The following MAGI2 variants were observed in gnomAD, a reference collection of about 807,000 sequenced individuals.
The protein encoded by MAGI2 is membrane associated guanylate kinase, WW and PDZ domain containing 2.
In MAGI2, 35 loss-of-function variants were observed where a neutral mutation model predicts 133.3. The ratio of observed to expected loss-of-function variants is 0.26; its 90% CI spans 0.20 to 0.35. The LOEUF is 0.35. Ranked by LOEUF, MAGI2 falls within the 10% of genes least tolerant of loss-of-function variation. The pLI, the probability that MAGI2 is intolerant of heterozygous loss-of-function variation, is 1.00. For synonymous variants in MAGI2, 729 were observed against 710.6 expected, an observed-to-expected ratio of 1.03 and a Z score of -0.41; for missense variants, 1,636 against 1,863.4, an observed-to-expected ratio of 0.88 and a Z score of 2.25.
intron 13 of MAGI2, among the ~76,000 whole-genome samples, chr7:78,181,294 G>A (rs1827166220): frequency 6.6e-6 from 1 of 152,176 alleles, no homozygotes; most frequent in African/African-American, 2.4e-5. Flanking sequence ...CTATGCACCA[G>A]GGAGGTTGTT....
intron 9 of MAGI2, among the ~76,000 whole-genome samples, chr7:78,329,584 T>C (rs2151145927): frequency 6.6e-6 from 1 of 152,336 alleles, no homozygotes; most frequent in African/African-American, 2.4e-5. Context: ...GAGTGTTATT[T>C]CTCTTAGCAG....
intron 1 of MAGI2, among the ~76,000 whole-genome samples, chr7:79,019,468 T>G (rs1255183330): frequency 6.6e-5 from 10 of 152,164 alleles, no homozygotes; most frequent in Non-Finnish European, 1.3e-4. Context: ...TCCCCAGCCA[T>G]GTGGAACTGT....
chr7:79,074,830 T>A (rs1815322562), intron 1 of MAGI2, among the ~76,000 whole-genome samples: 1 of 152,188 alleles, frequency 6.6e-6, no homozygotes, highest in Admixed American at 6.5e-5. Flanking sequence ...TCTATCTCTG[T>A]TAGGGTGAAT....
chr7:79,141,293 C>G (rs1822105090), intron 1 of MAGI2, among the ~76,000 whole-genome samples: 1 of 152,118 alleles, frequency 6.6e-6, no homozygotes, highest in South Asian at 2.1e-4. Flanking sequence ...ACTAAAAATA[C>G]AGAGAAAGGA....
At chr7:78,767,232 G>A (rs723294) in intron 2 of MAGI2, among the ~76,000 whole-genome samples, 133,990 of 152,158 alleles carry the variant, frequency 0.88, 59,079 homozygotes, top group East Asian at 1. Flanking sequence ...CTTGTGATCC[G>A]CCTGCCTCGG....
intron 9 of MAGI2, 149 bp downstream of exon 9, chr7:78,343,629 A>G (rs1037455547): frequency 3.9e-5 from 20 of 513,442 alleles, no homozygotes; most frequent in Non-Finnish European, 1.6e-5. Flanking sequence ...ATATTTTTAA[A>G]CTTAGGGGAA....
At chr7:79,005,550 T>C (rs901166748) in intron 2 of MAGI2, among the ~76,000 whole-genome samples, 1 of 152,234 alleles carries the variant, frequency 6.6e-6, no homozygotes, top group Admixed American at 6.5e-5. Flanking sequence ...AAGACTTTCT[T>C]ATTTATGTCA....
intron 1 of MAGI2, among the ~76,000 whole-genome samples, chr7:79,118,960 T>C (rs1021603420): frequency 1.1e-4 from 17 of 152,294 alleles, no homozygotes; most frequent in African/African-American, 3.6e-4. Flanking sequence ...GTAGATTCAA[T>C]TAAGTAGAAG....
At chr7:78,772,147 G>A (rs1451998857) in intron 2 of MAGI2, among the ~76,000 whole-genome samples, 1 of 152,124 alleles carries the variant, frequency 6.6e-6, no homozygotes, top group African/African-American at 2.4e-5. Flanking sequence ...CTTCTCCTCT[G>A]CTGCAAAGTT....
At chr7:78,290,743 A>ACTAT (rs1796619575) in intron 9 of MAGI2, among the ~76,000 whole-genome samples, 1 of 151,944 alleles carries the variant, frequency 6.6e-6, no homozygotes, top group Non-Finnish European at 1.5e-5. Context: ...ATTATAACAG[A>ACTAT]CTCTCAGACC....
chr7:78,169,962 A>G (rs780182029), intron 14 of MAGI2, among the ~76,000 whole-genome samples: 6 of 152,244 alleles, frequency 3.9e-5, no homozygotes, highest in African/African-American at 1.4e-4. Flanking sequence ...GAGCACTTCA[A>G]AGATTTGGTA....
chr7:78,050,089 C>T (rs1811858787), intron 21 of MAGI2, among the ~76,000 whole-genome samples: 1 of 152,158 alleles, frequency 6.6e-6, no homozygotes, highest in Non-Finnish European at 1.5e-5. Context: ...ATAAATCGTT[C>T]ACAACAGAGA....
intron 1 of MAGI2, among the ~76,000 whole-genome samples, chr7:79,426,102 G>A (rs1033872963): frequency 3.3e-5 from 5 of 152,142 alleles, no homozygotes; most frequent in Non-Finnish European, 5.9e-5. Context: ...AAGAAACAAT[G>A]TTTTAGATTT....
At chr7:78,883,067 C>T (rs1030932069) in intron 2 of MAGI2, among the ~76,000 whole-genome samples, 3 of 152,134 alleles carry the variant, frequency 2.0e-5, no homozygotes, top group African/African-American at 7.2e-5. Flanking sequence ...GTCAAATTAT[C>T]TTTCTTTGCT....
intron 21 of MAGI2, among the ~76,000 whole-genome samples, chr7:78,048,060 C>T (rs549245838): frequency 4.9e-4 from 75 of 152,314 alleles, no homozygotes; most frequent in African/African-American, 1.8e-3. Context: ...GCTTATTAAT[C>T]TTTCCATTCC....
At chr7:79,111,973 G>C (rs1818967063) in intron 1 of MAGI2, among the ~76,000 whole-genome samples, 1 of 151,680 alleles carries the variant, frequency 6.6e-6, no homozygotes, top group Admixed American at 6.6e-5. Flanking sequence ...AGCCCATATA[G>C]AGATTTTAAC....
chr7:78,277,983 C>G (rs1231462310), intron 9 of MAGI2, among the ~76,000 whole-genome samples: 1 of 152,086 alleles, frequency 6.6e-6, no homozygotes, highest in African/African-American at 2.4e-5. Flanking sequence ...GATCCAAGAT[C>G]AGAGTATGTG....
At chr7:78,415,491 C>T (rs1189574434) in intron 6 of MAGI2, among the ~76,000 whole-genome samples, 1 of 152,058 alleles carries the variant, frequency 6.6e-6, no homozygotes, top group Non-Finnish European at 1.5e-5. Flanking sequence ...CACAAAATGC[C>T]TTTACATAAT....
At chr7:79,003,841 T>G (rs1473108990) in intron 2 of MAGI2, among the ~76,000 whole-genome samples, 4 of 152,120 alleles carry the variant, frequency 2.6e-5, no homozygotes, top group Admixed American at 2.6e-4. Flanking sequence ...CCAAAAGGTA[T>G]ATGAAAAAAT....
Sources: gnomAD v4.1 joint callset for allele counts (sites outside exome capture counted in the v4.1 genomes callset) on GRCh38, gnomAD v4.1.1 for gene constraint, MANE v1.5 for transcripts, NCBI Gene and HGNC (gene_info 2026-07-23, HGNC 2026-07-21) for gene names.